The following CLVS2 variants were observed in gnomAD, a reference collection of about 807,000 sequenced individuals.
CLVS2 encodes the protein clavesin 2, also known as clavesin-2.
Under a neutral mutation model 29.0 loss-of-function variants are expected in CLVS2, and 19 were observed. The ratio of observed to expected loss-of-function variants is 0.66; its 90% CI spans 0.46 to 0.96. CLVS2 has a LOEUF of 0.96. Among genes scored for constraint, CLVS2 ranks in the 40% least tolerant of loss-of-function variants. The pLI, the probability that CLVS2 is intolerant of heterozygous loss-of-function variation, is 0.00. For synonymous variants in CLVS2, 161 were observed against 151.3 expected (o/e 1.06, Z -0.47); for missense variants, 294 against 404.1 (o/e 0.73, Z 2.34).
At chr6:123,057,765 C>A (rs1772715307) in intron 5 of CLVS2, among the ~76,000 whole-genome samples, 1 of 152,236 alleles carries the variant, frequency 6.6e-6, no homozygotes, top group South Asian at 2.1e-4. Flanking sequence ...AGAAATTTTC[C>A]CTGCTCTAAT....
chr6:123,014,388 C>T (rs1372220979), intron 3 of CLVS2, among the ~76,000 whole-genome samples: 1 of 151,788 alleles, frequency 6.6e-6, no homozygotes, highest in East Asian at 1.9e-4. Context: ...CACCATATAC[C>T]TTGTATAAAG....
At position 123,070,793 on chromosome 6, in the gene CLVS2, A is replaced by G. The variant is rs1772933392; in HGVS notation, c.*7032A>G. On this transcript the variant is annotated 3_prime_UTR_variant, in exon 6 of 6. Coordinates refer to ENST00000275162, the MANE Select transcript of CLVS2 (RefSeq NM_001010852.4). The stretch of plus-strand genomic sequence containing the variant: ...ATAATCTCTTAAGAATCTCTCCTTT[A>G]TTTACTGCTGCCAAACTGTCATCTT... 1 of 151,824 alleles carries G rather than the reference A, an allele frequency of 6.6e-6. No individual in the cohort carries two copies. The highest frequency in any genetic ancestry group is 2.1e-4 in the South Asian group (1 of 4,822). The allele number at this position is 151,824 out of a possible 1,614,324, so 9.4% of individuals were successfully genotyped here.
intron 3 of CLVS2, among the ~76,000 whole-genome samples, chr6:123,044,558 G>T (rs1410014671): frequency 1.3e-5 from 2 of 152,058 alleles, no homozygotes; most frequent in Non-Finnish European, 2.9e-5. Context: ...GTGAGATAAG[G>T]GGTCATATTC....
intron 3 of CLVS2, 41 bp from the exon 4 acceptor site, chr6:123,048,581 T>C (rs760444204): frequency 1.5e-6 from 2 of 1,329,964 alleles, no homozygotes; most frequent in Non-Finnish European, 2.2e-6. Flanking sequence ...CTCAGTCTAT[T>C]AAAGCATATT....
At chr6:123,019,319 A>G (rs1035341615) in intron 3 of CLVS2, among the ~76,000 whole-genome samples, 2 of 152,052 alleles carry the variant, frequency 1.3e-5, no homozygotes, top group Admixed American at 1.3e-4. Flanking sequence ...TTCAGTTGGC[A>G]CTGTAAGGGG....
In CLVS2 at chr6:123,058,756, A is replaced by G. The variant is rs181399990; in HGVS notation, c.896+2730A>G. On this transcript the variant is annotated intron_variant, in intron 5 of 5. Coordinates refer to ENST00000275162, the MANE Select transcript of CLVS2 (RefSeq NM_001010852.4). Reference sequence around the variant, plus strand: ...GCCTCCAACTCCCTGGACTCAAGCAATGCTACCACCTCAGCTCCACAAGTA... The same window carrying G: ...GCCTCCAACTCCCTGGACTCAAGCAGTGCTACCACCTCAGCTCCACAAGTA... 2.6e-3 allele frequency among the ~76,000 whole-genome samples: 395 copies of G among 152,198 alleles called. 1 individual carries two copies. Among genetic ancestry groups the G allele is most frequent in the African/African-American group, 8.7e-3 (361 of 41,532 alleles).
At chr6:123,000,897 G>A (rs577947585) in intron 2 of CLVS2, among the ~76,000 whole-genome samples, 25 of 152,264 alleles carry the variant, frequency 1.6e-4, no homozygotes, top group African/African-American at 6.0e-4. Flanking sequence ...CTAGAAATGA[G>A]GCGGAAGAAA....
rs563355226 is a variant in CLVS2 at position 123,048,472 on chromosome 6, G to A, written c.565-150G>A. ...CTGTATGAAAAGTACAATGTTTAAC[G>A]TGGTAAGGTTCTTCTTTTCTCTCCT... On this transcript the variant is annotated intron_variant, in intron 3 of 5. Coordinates refer to ENST00000275162, the MANE Select transcript of CLVS2 (RefSeq NM_001010852.4). 1.5e-4 allele frequency: 85 copies of A among 559,088 alleles called. No individual in the cohort carries two copies. In the Middle Eastern group the frequency reaches 2.1e-3, roughly 14 times the overall value. 34.6% of individuals were successfully genotyped at this position (559,088 alleles called of 1,614,324 possible). A position where few individuals can be genotyped will look rare whatever the true frequency, so the allele number is the denominator to read the frequency against.
rs182283810 is a variant in CLVS2 at position 123,003,849 on chromosome 6, A to G, written c.389+5683A>G. Among the ~76,000 whole-genome samples, 386 of 152,206 alleles carry G rather than the reference A, an allele frequency of 2.5e-3. 3 individuals are homozygous for G. The highest frequency in any genetic ancestry group is 1.9e-3 in the Non-Finnish European group (127 of 68,014). On this transcript the variant is annotated intron_variant, in intron 2 of 5. Transcript: ENST00000275162. ...GCTTGGTTAACTGAATTCAACATTT[A>G]TTGTTCCATTTTATTCATTATTCAT...
intron 4 of CLVS2, among the ~76,000 whole-genome samples, chr6:123,054,352 A>G (rs1463757173): frequency 6.6e-6 from 1 of 152,168 alleles, no homozygotes; most frequent in Non-Finnish European, 1.5e-5. Context: ...TAAAGTTTGC[A>G]GTTAACCTGG....
chr6:123,053,922 G>A (rs900450949), intron 4 of CLVS2, among the ~76,000 whole-genome samples: 2 of 152,140 alleles, frequency 1.3e-5, no homozygotes, highest in African/African-American at 4.8e-5. Context: ...TCTGTTCATT[G>A]TACTAGCAGT....
In CLVS2 at chr6:123,003,658, G is replaced by T. The variant is rs150601827; in HGVS notation, c.389+5492G>T. ...GGGGGCAAATAAAGACACATACTTT[G>T]TACTTTTAAGCAATATGTAACCTCT... On this transcript the variant is annotated intron_variant, in intron 2 of 5. Transcript: ENST00000275162. Among the ~76,000 whole-genome samples, 798 of 152,250 alleles carry T rather than the reference G, an allele frequency of 5.2e-3. 10 individuals are homozygous for T. The highest frequency in any genetic ancestry group is 0.019 in the African/African-American group (776 of 41,548).
rs771794699 is a variant in CLVS2, at chr6:123,010,999, A to C, written c.404A>C (p.Asp135Ala). ...GTCGCCGATAGGTACACACTGGTGG[A>C]TATTTTGCGTGCCATCTTACTTTCT... ...NWDQSRYTLV[D>A]ILRAILLSLE... The change falls in exon 3 of 6, where the codon GAT becomes GCT. Residue 135 changes from aspartate to alanine, a missense_variant. Physicochemically the swap from Asp to Ala is moderately radical, Grantham distance 126. Coordinates refer to ENST00000275162, the MANE Select transcript of CLVS2 (RefSeq NM_001010852.4). 1.0e-5 allele frequency: 16 copies of C among 1,601,582 alleles called. No individual in the cohort carries two copies.
chr6:123,041,200 G>A (rs1188377229), intron 3 of CLVS2, among the ~76,000 whole-genome samples: 1 of 152,092 alleles, frequency 6.6e-6, no homozygotes, highest in African/African-American at 2.4e-5. Context: ...GTTCTGAGTT[G>A]CAGGGAAAAT....
chr6:123,003,953 G>A (rs1181411678), intron 2 of CLVS2, among the ~76,000 whole-genome samples: 3 of 152,012 alleles, frequency 2.0e-5, no homozygotes, highest in Admixed American at 6.6e-5. Context: ...TGAATTAGTC[G>A]CTTTTTGTGT....
At chr6:123,040,653 C>T (rs899450989) in intron 3 of CLVS2, among the ~76,000 whole-genome samples, 2 of 151,934 alleles carry the variant, frequency 1.3e-5, no homozygotes, top group African/African-American at 2.4e-5. Flanking sequence ...ATTAGCTGGG[C>T]GTAGTGGCGG....
chr6:123,054,078 G>T (rs1209431138), intron 4 of CLVS2, among the ~76,000 whole-genome samples: 1 of 152,138 alleles, frequency 6.6e-6, no homozygotes, highest in Non-Finnish European at 1.5e-5. Flanking sequence ...GAGAGAGGAA[G>T]TAGCGTGCTA....
At chr6:123,056,186 TAA>T (rs1188174660) in intron 5 of CLVS2, among the ~76,000 whole-genome samples, 160 bp downstream of exon 5, 2 of 152,188 alleles carry the variant, frequency 1.3e-5, no homozygotes, top group African/African-American at 4.8e-5. Flanking sequence ...GAGTCAAAGA[TAA>T]AGTCATTTTC....
chr6:122,996,910 C>A (rs1340245975), intron 1 of CLVS2, among the ~76,000 whole-genome samples, 164 bp downstream of exon 1: 2 of 151,940 alleles, frequency 1.3e-5, no homozygotes, highest in African/African-American at 4.8e-5. Flanking sequence ...CCCTTTTCTC[C>A]AACCCCGCGG....
Sources: allele counts gnomAD v4.1 joint callset (sites outside exome capture counted in the v4.1 genomes callset), GRCh38; gene constraint gnomAD v4.1.1; transcripts MANE v1.5; gene names NCBI Gene and HGNC (gene_info 2026-07-23, HGNC 2026-07-21).